The following TCF7L2 variants were observed in gnomAD, a reference collection of about 807,000 sequenced individuals.
The protein encoded by TCF7L2 is transcription factor 7 like 2.
Under a neutral mutation model 77.9 loss-of-function variants are expected in TCF7L2, and 23 were observed. That is an observed-to-expected ratio of 0.30 (90% CI 0.21 to 0.42). TCF7L2 has a LOEUF of 0.42. Among genes scored for constraint, TCF7L2 ranks in the 10% least tolerant of loss-of-function variants. The pLI, the probability that TCF7L2 is intolerant of heterozygous loss-of-function variation, is 1.00. For synonymous variants in TCF7L2, 413 were observed against 340.2 expected (o/e 1.21, Z -2.36); for missense variants, 654 against 793.1 (o/e 0.82, Z 2.11).
At chr10:112,979,739 G>A (rs1185593233) in intron 4 of TCF7L2, among the ~76,000 whole-genome samples, 1 of 150,946 alleles carries the variant, frequency 6.6e-6, no homozygotes, top group Non-Finnish European at 1.5e-5. Context: ...CTAGGTGACG[G>A]AGCAAGACCC....
At chr10:113,101,336 A>C (rs2061612210) in intron 5 of TCF7L2, among the ~76,000 whole-genome samples, 1 of 152,050 alleles carries the variant, frequency 6.6e-6, no homozygotes, top group South Asian at 2.1e-4. Flanking sequence ...TGAAGGCAGG[A>C]GTTTGAGACC....
At chr10:112,968,617 C>T (rs566393244) in intron 4 of TCF7L2, among the ~76,000 whole-genome samples, 2 of 152,126 alleles carry the variant, frequency 1.3e-5, no homozygotes, top group Admixed American at 6.6e-5. Flanking sequence ...CTCATTCTGT[C>T]GCCCAGGCTG....
At chr10:113,043,074 C>T (rs371607244) in intron 5 of TCF7L2, among the ~76,000 whole-genome samples, 121 of 152,254 alleles carry the variant, frequency 7.9e-4, no homozygotes, top group African/African-American at 2.6e-3. Flanking sequence ...TTAATTTCCC[C>T]GAAATTTGGA....
chr10:113,005,348 C>G (rs1456282952), intron 4 of TCF7L2, among the ~76,000 whole-genome samples: 1 of 152,196 alleles, frequency 6.6e-6, no homozygotes, highest in East Asian at 1.9e-4. Context: ...TTCTCTGCTG[C>G]TGGCTAGCAG....
rs986713229 is a variant in TCF7L2 at position 113,166,381 on chromosome 10, C to T, written c.*409C>T. ...GGTTCTGTATTATTTGTATTAAATA[C>T]GAGCTTGCGAACCAATCATTTTACA... On this transcript the variant is annotated 3_prime_UTR_variant, in exon 14 of 14. Coordinates refer to ENST00000627217, the MANE Select transcript of TCF7L2 (RefSeq NM_001146274.2). The T allele has an allele frequency of 2.6e-5, 6 of 228,410 alleles. No individual in the cohort carries two copies. Among genetic ancestry groups the T allele is most frequent in the Admixed American group, 5.7e-5 (1 of 17,514 alleles). 14.1% of individuals were successfully genotyped at this position (228,410 alleles called of 1,614,324 possible).
At chr10:113,032,914 A>G (rs1251863804) in intron 4 of TCF7L2, among the ~76,000 whole-genome samples, 2 of 152,182 alleles carry the variant, frequency 1.3e-5, no homozygotes, top group African/African-American at 4.8e-5. Context: ...AAAAAGGTTA[A>G]CTGTAAGGAT....
intron 5 of TCF7L2, among the ~76,000 whole-genome samples, chr10:113,096,625 TTTCCTGGTCAATGTCTGGCCTC>T (rs367756357): frequency 5.9e-5 from 9 of 152,144 alleles, no homozygotes; most frequent in South Asian, 2.1e-4. Flanking sequence ...CAGATTTGCT[TTTCCTGGTCAATGTCTGGCCTC>T]TTCTGTGGGG....
At position 112,951,522 on chromosome 10, in the gene TCF7L2, C is replaced by T. The variant is rs753753787; in HGVS notation, c.296C>T (p.Pro99Leu). The change falls in exon 3 of 14, where the codon CCG (proline) becomes CTG (leucine). Residue 99 changes from proline to leucine, a missense_variant. Physicochemically the swap from Pro to Leu is moderately conservative, Grantham distance 98. Around this residue, in one of 6 missense-constraint regions of TCF7L2, gnomAD observed 132 missense variants for 123.7 expected, o/e 1.07. Transcript: ENST00000627217. ...GATGGAGGGCTCTTTAAGGGGCCAC[C>T]GTATCCCGGCTACCCCTTCATCATG... 1.4e-6 allele frequency: 2 copies of T among 1,430,140 alleles called. No homozygotes were observed. Among genetic ancestry groups the T allele is most frequent in the Admixed American group, 4.1e-5 (2 of 48,592 alleles). The allele number at this position is 1,430,140 out of a possible 1,614,324, so 88.6% of individuals were successfully genotyped here.
chr10:113,148,103 C>G, intron 8 of TCF7L2, among the ~76,000 whole-genome samples: 1 of 152,164 alleles, frequency 6.6e-6, no homozygotes, highest in Non-Finnish European at 1.5e-5. Flanking sequence ...TCATTCTATT[C>G]AGCAGTGGGG....
chr10:113,076,707 T>G (rs2058734969), intron 5 of TCF7L2, among the ~76,000 whole-genome samples: 1 of 152,192 alleles, frequency 6.6e-6, no homozygotes, highest in Admixed American at 6.5e-5. Flanking sequence ...TTTAACCTTG[T>G]GTTATGTTAA....
At chr10:113,130,366 G>C (rs2066389378) in intron 5 of TCF7L2, among the ~76,000 whole-genome samples, 1 of 152,142 alleles carries the variant, frequency 6.6e-6, no homozygotes, top group Non-Finnish European at 1.5e-5. Context: ...CACCAGGGTG[G>C]GCTCCATCAG....
At chr10:113,107,751 C>CAAAAAAAA (rs2062551301) in intron 5 of TCF7L2, among the ~76,000 whole-genome samples, 1 of 16,170 alleles carries the variant, frequency 6.2e-5, no homozygotes, top group Admixed American at 9.3e-4. Flanking sequence ...GAGACTCCGT[C>CAAAAAAAA]TAAAAAAAAA....
chr10:113,105,966 AT>A (rs1483916979), intron 5 of TCF7L2, among the ~76,000 whole-genome samples: 1 of 152,140 alleles, frequency 6.6e-6, no homozygotes, highest in Non-Finnish European at 1.5e-5. Context: ...CTTTAGGGAG[AT>A]TAATTGGGAC....
chr10:113,062,765 T>G (rs2056671279), intron 5 of TCF7L2, among the ~76,000 whole-genome samples: 1 of 152,210 alleles, frequency 6.6e-6, no homozygotes, highest in Admixed American at 6.5e-5. Context: ...CAGGGCTCTG[T>G]GGTCTATTAC....
chr10:113,089,359 C>G, intron 5 of TCF7L2: 1 of 1,595,630 alleles, frequency 6.3e-7, no homozygotes, highest in Non-Finnish European at 8.5e-7. Flanking sequence ...GTCCCCCTCG[C>G]TCCCGAGCCT....
intron 5 of TCF7L2, among the ~76,000 whole-genome samples, chr10:113,117,127 C>T (rs2063820529): frequency 1.3e-5 from 2 of 152,172 alleles, no homozygotes; most frequent in Non-Finnish European, 2.9e-5. Flanking sequence ...ATCAAATCTA[C>T]GATTTAACTG....
intron 5 of TCF7L2, among the ~76,000 whole-genome samples, chr10:113,128,953 CTTTCTTTCTCTCTCTG>C (rs1365451943): frequency 2.0e-5 from 3 of 152,268 alleles, no homozygotes; most frequent in South Asian, 2.1e-4. Flanking sequence ...CTCTCTCTCT[CTTTCTTTCTCTCTCTG>C]TGTTCCTGGG....
In TCF7L2 at chr10:112,950,856, A is replaced by C. The variant is rs746837026; in HGVS notation, c.100A>C (p.Asn34His). 6.2e-7 allele frequency: 1 copy of C among 1,610,476 alleles called. No individual in the cohort carries two copies. Among genetic ancestry groups the C allele is most frequent in the Non-Finnish European group, 8.5e-7 (1 of 1,178,618 alleles). ...CGAACAGGAGGAGAAGAGCTCCGAAAACTCCTCGGCAGAGAGGGATTTAGC... is the reference window on the plus strand; with the variant it reads ...CGAACAGGAGGAGAAGAGCTCCGAACACTCCTCGGCAGAGAGGGATTTAGC... Residue 34 changes from asparagine to histidine, a missense_variant, in exon 1 of 14, where the codon AAC (asparagine) becomes CAC (histidine). Physicochemically the swap from Asn to His is moderately conservative, Grantham distance 68 (BLOSUM62 1). Transcript: ENST00000627217.
chr10:113,142,537 T>G (rs1188883418), intron 6 of TCF7L2, among the ~76,000 whole-genome samples: 1 of 152,230 alleles, frequency 6.6e-6, no homozygotes, highest in Non-Finnish European at 1.5e-5. Context: ...AAGTGGTGAT[T>G]GCACATCACT....
Sources: gnomAD v4.1 joint callset for allele counts (sites outside exome capture counted in the v4.1 genomes callset) on GRCh38, gnomAD v4.1.1 for gene constraint, gnomAD v4.1.1 regional missense constraint, MANE v1.5 for transcripts, NCBI Gene and HGNC (gene_info 2026-07-23, HGNC 2026-07-21) for gene names.